The following THSD4 variants were observed in gnomAD, a reference collection of about 807,000 sequenced individuals.
THSD4 encodes the protein thrombospondin type 1 domain containing 4, also known as thrombospondin type-1 domain-containing protein 4.
THSD4 carries 69 observed loss-of-function variants against 119.0 expected under a neutral mutation model. The ratio of observed to expected loss-of-function variants is 0.58; its 90% CI spans 0.48 to 0.71. The LOEUF is 0.71. Among genes scored for constraint, THSD4 ranks in the 30% least tolerant of loss-of-function variants. THSD4 has a pLI of 0.00. For missense variants in THSD4, 1,393 were observed against 1,391.1 expected (o/e 1.00, Z -0.02); for synonymous variants, 524 against 540.4 (o/e 0.97, Z 0.42).
At chr15:71,620,857 T>A (rs1217646762) in intron 7 of THSD4, among the ~76,000 whole-genome samples, 1 of 152,174 alleles carries the variant, frequency 6.6e-6, no homozygotes, top group African/African-American at 2.4e-5. Context: ...TTAAAAAGGC[T>A]AATAAGCAGC....
chr15:71,572,655 T>G (rs1203127297), intron 7 of THSD4, among the ~76,000 whole-genome samples: 17 of 152,176 alleles, frequency 1.1e-4, no homozygotes, highest in Admixed American at 1.1e-3. Flanking sequence ...CAAAAGGGCT[T>G]GCTGAGTCAT....
chr15:71,588,573 G>T (rs150434672), intron 7 of THSD4, among the ~76,000 whole-genome samples: 2,387 of 152,022 alleles, frequency 0.016, 62 homozygotes, highest in African/African-American at 0.053. Context: ...ACAGGCATGT[G>T]CCACCACACC....
At chr15:71,313,400 C>T (rs937885612) in intron 6 of THSD4, among the ~76,000 whole-genome samples, 2 of 152,208 alleles carry the variant, frequency 1.3e-5, no homozygotes, top group Admixed American at 6.5e-5. Flanking sequence ...GTTATCAAAT[C>T]AGCCATTTCT....
At chr15:71,469,518 G>A (rs72760691) in intron 7 of THSD4, among the ~76,000 whole-genome samples, 1 of 152,160 alleles carries the variant, frequency 6.6e-6, no homozygotes, top group South Asian at 2.1e-4. Flanking sequence ...TGGCTTCAAG[G>A]CTGAGAAGCT....
Position 71,205,293 on chromosome 15 carries a change from G to C in THSD4, c.100-9742G>C, listed in dbSNP as rs913186142. Among the ~76,000 whole-genome samples the C allele has an allele frequency of 2.6e-5, 4 of 152,290 alleles. No homozygotes were observed. In the East Asian group the frequency reaches 7.7e-4, roughly 29 times the overall value. On this transcript the variant is annotated intron_variant, in intron 3 of 17. Coordinates refer to ENST00000261862, the MANE Select transcript of THSD4 (RefSeq NM_024817.3). ...CAATAACATATACTTGGAGAAGTAT[G>C]GTGCAGTTTGTGTGTCTGAGATCAT...
chr15:71,421,339 T>A (rs2046804511), intron 7 of THSD4, among the ~76,000 whole-genome samples: 2 of 45,768 alleles, frequency 4.4e-5, no homozygotes, highest in Non-Finnish European at 1.0e-4. Flanking sequence ...TTAGTATTTC[T>A]TGTAGGATAG....
At chr15:71,652,616 A>G (rs2051114484) in intron 7 of THSD4, among the ~76,000 whole-genome samples, 1 of 152,142 alleles carries the variant, frequency 6.6e-6, no homozygotes, top group Non-Finnish European at 1.5e-5. Context: ...ACAGAATATG[A>G]TATGTTTACC....
chr15:71,276,040 C>T (rs2044586361), intron 6 of THSD4, among the ~76,000 whole-genome samples: 1 of 152,204 alleles, frequency 6.6e-6, no homozygotes, highest in Admixed American at 6.5e-5. Context: ...CCAAACCTGC[C>T]AGTCTCCATT....
intron 11 of THSD4, 163 bp downstream of exon 11, chr15:71,738,170 G>A: frequency 1.1e-6 from 1 of 901,462 alleles, no homozygotes; most frequent in Non-Finnish European, 1.7e-6. Context: ...GTTTCTGGGT[G>A]AAACTGCCCT....
intron 6 of THSD4, among the ~76,000 whole-genome samples, chr15:71,400,916 C>A (rs1357210975): frequency 6.6e-6 from 1 of 152,082 alleles, no homozygotes; most frequent in African/African-American, 2.4e-5. Flanking sequence ...TTGAATGGAT[C>A]TGCAACTAAG....
At chr15:71,427,009 G>A (rs1268296251) in intron 7 of THSD4, among the ~76,000 whole-genome samples, 2 of 152,092 alleles carry the variant, frequency 1.3e-5, no homozygotes, top group Admixed American at 1.3e-4. Context: ...CACTTGATCT[G>A]TTCTTAGGAC....
intron 6 of THSD4, among the ~76,000 whole-genome samples, chr15:71,332,854 A>G (rs2140375664): frequency 6.8e-6 from 1 of 147,070 alleles, no homozygotes; most frequent in East Asian, 2.0e-4. Flanking sequence ...ACGGAATGTA[A>G]ATTTGTAAAC....
intron 7 of THSD4, among the ~76,000 whole-genome samples, chr15:71,436,194 G>A (rs969353187): frequency 2.6e-5 from 4 of 152,154 alleles, no homozygotes; most frequent in Non-Finnish European, 4.4e-5. Context: ...GTGGAGATCA[G>A]CTCAGACAAT....
chr15:71,519,493 C>G (rs1396788699), intron 7 of THSD4, among the ~76,000 whole-genome samples: 1 of 152,126 alleles, frequency 6.6e-6, no homozygotes, highest in Non-Finnish European at 1.5e-5. Context: ...TCCCAAGTAG[C>G]TGGGATTACA....
At chr15:71,155,366 T>A (rs1043705519) in intron 3 of THSD4, among the ~76,000 whole-genome samples, 5 of 152,138 alleles carry the variant, frequency 3.3e-5, no homozygotes, top group African/African-American at 1.2e-4. Context: ...GGGATAGTGT[T>A]AAACCATGAG....
intron 6 of THSD4, among the ~76,000 whole-genome samples, chr15:71,334,070 A>G (rs984965918): frequency 2.0e-5 from 3 of 152,188 alleles, no homozygotes; most frequent in Non-Finnish European, 4.4e-5. Context: ...TATCTAAAGA[A>G]ACATTGTTTT....
At position 71,276,761 on chromosome 15, in the gene THSD4, G is replaced by A. The variant is rs556564177; in HGVS notation, c.1015+20046G>A. On this transcript the variant is annotated intron_variant, in intron 6 of 17. Coordinates refer to ENST00000261862, the MANE Select transcript of THSD4 (RefSeq NM_024817.3). The stretch of plus-strand genomic sequence containing the variant: ...GCATTCTTTAATGGCAGGGAATGAT[G>A]CAAATAAATATGAACAGGTTATCGT... Among the ~76,000 whole-genome samples the A allele has an allele frequency of 3.3e-5, 5 of 152,182 alleles. No individual in the cohort carries two copies. The South Asian group carries it at 6.2e-4, about 19-fold the overall frequency.
At chr15:71,276,585 T>G (rs916919887) in intron 6 of THSD4, among the ~76,000 whole-genome samples, 2 of 152,146 alleles carry the variant, frequency 1.3e-5, no homozygotes, top group African/African-American at 4.8e-5. Context: ...AGTTCTATGG[T>G]TTTTCAATCT....
At chr15:71,279,273 A>G (rs765178953) in intron 6 of THSD4, among the ~76,000 whole-genome samples, 3 of 152,110 alleles carry the variant, frequency 2.0e-5, no homozygotes, top group African/African-American at 4.8e-5. Flanking sequence ...GTAACAGCTC[A>G]TAGTGTAATA....
Sources: allele counts gnomAD v4.1 joint callset (sites outside exome capture counted in the v4.1 genomes callset), GRCh38; gene constraint gnomAD v4.1.1; transcripts MANE v1.5; gene names NCBI Gene and HGNC (gene_info 2026-07-23, HGNC 2026-07-21).